PGM5: variants seen among roughly 807,000 people sequenced by gnomAD.
The protein encoded by PGM5 is phosphoglucomutase 5.
Under a neutral mutation model 59.2 loss-of-function variants are expected in PGM5, and 23 were observed. The ratio of observed to expected loss-of-function variants is 0.39; its 90% CI spans 0.28 to 0.55. The LOEUF (loss-of-function observed/expected upper bound fraction) is 0.55. PGM5 is among the 20% of genes least tolerant of loss of function. The probability of loss-of-function intolerance (pLI) is 0.66; values close to 1 mark genes in which losing one functional copy is unlikely to be tolerated. For synonymous variants in PGM5, 214 were observed against 286.0 expected, an observed-to-expected ratio of 0.75 and a Z score of 2.54; for missense variants, 574 against 748.3, an observed-to-expected ratio of 0.77 and a Z score of 2.72.
At chr9:68,516,070 A>C (rs942404469) in intron 10 of PGM5, among the ~76,000 whole-genome samples, 2 of 152,230 alleles carry the variant, frequency 1.3e-5, no homozygotes, top group Non-Finnish European at 2.9e-5. Context: ...TTTTACAAAT[A>C]AGAAAACTTT....
intron 6 of PGM5, among the ~76,000 whole-genome samples, chr9:68,407,375 C>T (rs1272578242): frequency 5.9e-5 from 9 of 152,196 alleles, no homozygotes; most frequent in Admixed American, 1.3e-4. Context: ...TCAAGCAATC[C>T]TCCTGCCTCG....
At chr9:68,487,346 G>A (rs1265976546) in intron 9 of PGM5, among the ~76,000 whole-genome samples, 1 of 152,000 alleles carries the variant, frequency 6.6e-6, no homozygotes, top group Admixed American at 6.6e-5. Flanking sequence ...GTACCTAATT[G>A]ATGCTCAAGA....
chr9:68,458,913 A>G (rs1823817971), intron 6 of PGM5, among the ~76,000 whole-genome samples: 1 of 152,164 alleles, frequency 6.6e-6, no homozygotes, highest in South Asian at 2.1e-4. Flanking sequence ...GGCTTTCTTG[A>G]AAAGGCTTTT....
At chr9:68,363,059 G>A (rs1217815250) in intron 1 of PGM5, among the ~76,000 whole-genome samples, 23 of 151,114 alleles carry the variant, frequency 1.5e-4, no homozygotes, top group Non-Finnish European at 2.8e-4. Context: ...TACTAGAGAC[G>A]GGGTTTCACC....
intron 5 of PGM5, 102 bp from the exon 6 acceptor site, chr9:68,392,217 T>C (rs1822382206): frequency 2.0e-6 from 3 of 1,464,352 alleles, no homozygotes; most frequent in Middle Eastern, 2.5e-4. Flanking sequence ...AGTTGTTAGA[T>C]TGTTAAATAT....
At chr9:68,407,820 T>C (rs1302733701) in intron 6 of PGM5, among the ~76,000 whole-genome samples, 3 of 152,216 alleles carry the variant, frequency 2.0e-5, no homozygotes, top group African/African-American at 4.8e-5. Flanking sequence ...AAGAGAAACA[T>C]CCTGAGCAAA....
At chr9:68,439,706 T>C (rs897357031) in intron 6 of PGM5, among the ~76,000 whole-genome samples, 189 of 148,396 alleles carry the variant, frequency 1.3e-3, no homozygotes, top group African/African-American at 4.4e-3. Context: ...TATATATATA[T>C]ACACACACAC....
intron 7 of PGM5, among the ~76,000 whole-genome samples, chr9:68,469,756 A>G (rs980183139): frequency 1.3e-5 from 2 of 152,186 alleles, no homozygotes; most frequent in African/African-American, 2.4e-5. Flanking sequence ...TGCTTGTAGG[A>G]TGGGTGGAAA....
chr9:68,400,513 A>G (rs562746130), intron 6 of PGM5: 1 of 152,520 alleles, frequency 6.6e-6, no homozygotes, highest in East Asian at 1.9e-4. Flanking sequence ...CTTTGATACC[A>G]TGTTCCCTCC....
intron 9 of PGM5, among the ~76,000 whole-genome samples, chr9:68,489,838 G>T (rs112137228): frequency 6.6e-6 from 1 of 152,150 alleles, no homozygotes; most frequent in Non-Finnish European, 1.5e-5. Context: ...GTAAATAAAT[G>T]CATACCAGTT....
intron 10 of PGM5, among the ~76,000 whole-genome samples, chr9:68,526,068 G>C (rs112851314): frequency 7.6e-6 from 1 of 131,090 alleles, no homozygotes; most frequent in East Asian, 1.9e-4. Context: ...AAAAAAAAAA[G>C]AAAGAAAGAA....
intron 6 of PGM5, among the ~76,000 whole-genome samples, chr9:68,451,485 G>T (rs1823695340): frequency 1.3e-5 from 2 of 152,124 alleles, no homozygotes; most frequent in Non-Finnish European, 2.9e-5. Context: ...AAGTTCTTTT[G>T]GAGCAAAAGT....
At chr9:68,484,395 CT>C (rs1824253199) in intron 9 of PGM5, among the ~76,000 whole-genome samples, 4 of 149,844 alleles carry the variant, frequency 2.7e-5, no homozygotes, top group African/African-American at 9.8e-5. Context: ...AAAAAAATAG[CT>C]GGGCATGGTG....
chr9:68,426,682 T>C (rs537439196), intron 6 of PGM5, among the ~76,000 whole-genome samples: 36 of 151,918 alleles, frequency 2.4e-4, no homozygotes, highest in African/African-American at 7.7e-4. Context: ...TCAAAGTGAA[T>C]GACCATTTTT....
rs1823463237 is a variant in PGM5, at chr9:68,437,769, C to A, written c.1044-27324C>A. On this transcript the variant is annotated intron_variant, in intron 6 of 10. Coordinates refer to ENST00000396396, the MANE Select transcript of PGM5 (RefSeq NM_021965.4). The surrounding 1 kb of genome is among the most constrained non-coding windows in gnomAD (Gnocchi z 4.1). ...AATGGGGATATTTCATATAAAAATCCAAGTTGTTGTGGTATTATTGAAAAA... is the reference window on the plus strand; with the variant it reads ...AATGGGGATATTTCATATAAAAATCAAAGTTGTTGTGGTATTATTGAAAAA... Among the ~76,000 whole-genome samples, 1 of 151,976 alleles carries A rather than the reference C, an allele frequency of 6.6e-6. No homozygotes were observed. The highest frequency in any genetic ancestry group is 2.1e-4 in the South Asian group (1 of 4,826).
chr9:68,396,721 C>A (rs1460665952), intron 6 of PGM5: 1 of 151,790 alleles, frequency 6.6e-6, no homozygotes, highest in Non-Finnish European at 1.5e-5. Flanking sequence ...TCATGATGGA[C>A]ACTTTATAAG....
At chr9:68,421,902 TA>T (rs1308642268) in intron 6 of PGM5, among the ~76,000 whole-genome samples, 12 of 151,602 alleles carry the variant, frequency 7.9e-5, no homozygotes, top group African/African-American at 2.9e-4. Flanking sequence ...GAGATATGTC[TA>T]AAAAATGTGA....
chr9:68,461,188 C>A (rs190933630), intron 6 of PGM5, among the ~76,000 whole-genome samples: 15 of 152,104 alleles, frequency 9.9e-5, no homozygotes, highest in African/African-American at 3.6e-4. Flanking sequence ...GTGGGTCAGC[C>A]GCCTTCAACA....
intron 6 of PGM5, among the ~76,000 whole-genome samples, chr9:68,463,565 G>T (rs558354784): frequency 6.6e-6 from 1 of 152,124 alleles, no homozygotes; most frequent in Non-Finnish European, 1.5e-5. Flanking sequence ...TTCTAGCACT[G>T]CCCCTTACCT....
Sources: allele counts gnomAD v4.1 joint callset (sites outside exome capture counted in the v4.1 genomes callset), GRCh38; gene constraint gnomAD v4.1.1; non-coding constraint Gnocchi (gnomAD v3.1); transcripts MANE v1.5; gene names NCBI Gene and HGNC (gene_info 2026-07-23, HGNC 2026-07-21).